The following ACBD5 variants were observed in gnomAD, a reference collection of about 807,000 sequenced individuals.
ACBD5 encodes acyl-CoA binding domain containing 5.
Under a neutral mutation model 71.8 loss-of-function variants are expected in ACBD5, and 40 were observed. The ratio of observed to expected loss-of-function variants is 0.56; its 90% CI spans 0.43 to 0.72. The LOEUF (loss-of-function observed/expected upper bound fraction) is 0.72. ACBD5 is among the 30% of genes least tolerant of loss of function. ACBD5 has a pLI of 0.00. For missense variants in ACBD5, 559 were observed against 644.5 expected (o/e 0.87, Z 1.44); for synonymous variants, 229 against 218.6 (o/e 1.05, Z -0.42).
At chr10:27,214,838 G>A (rs758769829) in intron 8 of ACBD5, among the ~76,000 whole-genome samples, 4 of 152,182 alleles carry the variant, frequency 2.6e-5, no homozygotes, top group Non-Finnish European at 5.9e-5. Context: ...TTGAGGCCAA[G>A]AGTTTGAGAC....
chr10:27,196,666 G>T lies in ACBD5; in HGVS notation c.*764C>A, dbSNP rs1277535784. On this transcript the variant is annotated 3_prime_UTR_variant, in exon 13 of 13. Transcript: ENST00000396271. ...TCAGTTAAACAAAAATGATTACAAA[G>T]GAATACATTTATATGATTGAATAAA... The T allele has an allele frequency of 2.2e-6, 1 of 454,264 alleles. No individual in the cohort carries two copies. The highest frequency in any genetic ancestry group is 2.0e-5 in the African/African-American group (1 of 49,956). 28.1% of individuals were successfully genotyped at this position (454,264 alleles called of 1,614,324 possible).
intron 2 of ACBD5, among the ~76,000 whole-genome samples, chr10:27,235,661 T>TG (rs1463135047): frequency 2.0e-5 from 3 of 152,258 alleles, no homozygotes. Context: ...ATAAGGAATT[T>TG]GGGGCTAAAG....
intron 13 of ACBD5, chr10:27,186,506 G>A: frequency 1.2e-6 from 2 of 1,614,022 alleles, no homozygotes; most frequent in Non-Finnish European, 1.7e-6. Flanking sequence ...ATACTGCTCA[G>A]CACCTGACTG....
In ACBD5 at chr10:27,195,863, A is replaced by G. The variant is rs371621454; in HGVS notation, c.*1567T>C. 4 of 452,582 alleles carry G rather than the reference A, an allele frequency of 8.8e-6. No individual in the cohort carries two copies. The highest frequency in any genetic ancestry group is 1.4e-4 in the East Asian group (2 of 14,386). 28.0% of individuals were successfully genotyped at this position (452,582 alleles called of 1,614,324 possible). A position where few individuals can be genotyped will look rare whatever the true frequency, so the allele number is the denominator to read the frequency against. On this transcript the variant is annotated 3_prime_UTR_variant, in exon 13 of 13. Coordinates refer to ENST00000396271, the MANE Select transcript of ACBD5 (RefSeq NM_145698.5). ...ATTTCTTATTTAAAACACTGTGAAC[A>G]TATGATGTTAAACCCAACATCATAC...
At position 27,197,331 on chromosome 10, in the gene ACBD5, T is replaced by G. The variant is rs775058750; in HGVS notation, c.*99A>C. 4 of 1,151,672 alleles carry G rather than the reference T, an allele frequency of 3.5e-6. No individual in the cohort carries two copies. Among genetic ancestry groups the G allele is most frequent in the Non-Finnish European group, 5.2e-6 (4 of 770,624 alleles). The allele number at this position is 1,151,672 out of a possible 1,614,324, so 71.3% of individuals were successfully genotyped here. On this transcript the variant is annotated 3_prime_UTR_variant, in exon 13 of 13. Coordinates refer to ENST00000396271, the MANE Select transcript of ACBD5 (RefSeq NM_145698.5). ...AACTACTGGACAACAAAAAGCAATG[T>G]AATCATCACAAACTAAGATTTTCTT...
rs2060236621 is a variant in ACBD5, at chr10:27,204,298, C to CA, written c.1565+141dup. ...CAAGATATCATTTCCAAGGCAGTTT[C>CA]AGTCTCAGGATAAATATAGAATGTT... On this transcript the variant is annotated intron_variant, in intron 12 of 12. Coordinates refer to ENST00000396271, the MANE Select transcript of ACBD5 (RefSeq NM_145698.5). 6.0e-6 allele frequency: 4 copies of CA among 669,710 alleles called. No homozygotes were observed. The East Asian group carries it at 8.4e-5, about 14-fold the overall frequency. 41.5% of individuals were successfully genotyped at this position (669,710 alleles called of 1,614,324 possible).
At chr10:27,217,905 T>G in intron 7 of ACBD5, 75 bp downstream of exon 7, 1 of 1,279,938 alleles carries the variant, frequency 7.8e-7, no homozygotes, top group Non-Finnish European at 1.1e-6. Context: ...ATTAAACTGA[T>G]CCTAAAGATC....
At position 27,215,737 on chromosome 10, in the gene ACBD5, T is replaced by C. The variant is rs2061549470; in HGVS notation, c.830-96A>G. The C allele has an allele frequency of 4.5e-6, 4 of 890,970 alleles. No individual in the cohort carries two copies. The East Asian group carries it at 8.4e-5, about 19-fold the overall frequency. 55.2% of individuals were successfully genotyped at this position (890,970 alleles called of 1,614,324 possible). ...TTTTTTGAGATGGAGTCTTGCTCTG[T>C]TGCCCAGGCTGGAGTGCAGTGGTGT... On this transcript the variant is annotated intron_variant, in intron 7 of 12. Coordinates refer to ENST00000396271, the MANE Select transcript of ACBD5 (RefSeq NM_145698.5).
intron 13 of ACBD5, among the ~76,000 whole-genome samples, chr10:27,186,104 A>C (rs2058727173): frequency 6.6e-6 from 1 of 152,178 alleles, no homozygotes; most frequent in African/African-American, 2.4e-5. Flanking sequence ...AAAAGCTGTG[A>C]GAAAGATAGG....
downstream of ACBD5, among the ~76,000 whole-genome samples, chr10:27,191,405 A>G (rs1238715158): frequency 6.6e-6 from 1 of 152,150 alleles, no homozygotes. Context: ...AACTCATAGG[A>G]TGTACACTAA....
downstream of ACBD5, among the ~76,000 whole-genome samples, chr10:27,192,743 G>A (rs185346539): frequency 5.3e-5 from 8 of 152,226 alleles, no homozygotes; most frequent in Admixed American, 1.3e-4. Flanking sequence ...AGGCCGAGGC[G>A]GGTGGATCAC....
intron 5 of ACBD5, among the ~76,000 whole-genome samples, chr10:27,221,830 A>G (rs1334525461): frequency 6.7e-6 from 1 of 149,510 alleles, no homozygotes; most frequent in Non-Finnish European, 1.5e-5. Context: ...AGTCAGGAGA[A>G]TTGCTTGAAC....
intron 5 of ACBD5, among the ~76,000 whole-genome samples, chr10:27,223,051 A>T (rs1414755265): frequency 6.6e-6 from 1 of 152,230 alleles, no homozygotes; most frequent in Non-Finnish European, 1.5e-5. Context: ...AAGGGTTAAA[A>T]TTTTAAGGGT....
rs116251843 is a variant in ACBD5 at position 27,189,379 on chromosome 10, G to A, written c.1494-6664C>T. ...TTTGTGGCTGGGCATAGTGGCTCAC[G>A]CCTTTATTTCCAGCACTTTGGACAG... On this transcript the variant is annotated intron_variant, in intron 13 of 13. Coordinates refer to the ACBD5 transcript ENST00000676511. Among the ~76,000 whole-genome samples, 839 of 152,302 alleles carry A rather than the reference G, an allele frequency of 5.5e-3. 13 individuals are homozygous for A. The highest frequency in any genetic ancestry group is 0.019 in the African/African-American group (785 of 41,558).
intron 4 of ACBD5, among the ~76,000 whole-genome samples, chr10:27,224,928 G>A (rs1398772007): frequency 6.6e-6 from 1 of 152,134 alleles, no homozygotes; most frequent in African/African-American, 2.4e-5. Flanking sequence ...CTACTTGGGA[G>A]GCTGAGGCGA....
chr10:27,185,150 G>T (rs1320678573), intron 13 of ACBD5, among the ~76,000 whole-genome samples: 1 of 152,136 alleles, frequency 6.6e-6, no homozygotes, highest in Non-Finnish European at 1.5e-5. Flanking sequence ...AAAGGGAGAA[G>T]GGGGTGAGCT....
intron 13 of ACBD5, among the ~76,000 whole-genome samples, chr10:27,185,247 G>A (rs1200466683): frequency 6.6e-6 from 1 of 152,168 alleles, no homozygotes; most frequent in Non-Finnish European, 1.5e-5. Flanking sequence ...CAAAACTGGA[G>A]CATTCATCAT....
At chr10:27,204,854 G>A (rs1282091250) in intron 11 of ACBD5, among the ~76,000 whole-genome samples, 4 of 152,126 alleles carry the variant, frequency 2.6e-5, no homozygotes, top group African/African-American at 7.2e-5. Flanking sequence ...TGGGCCGGGC[G>A]CGGTGGCTCA....
chr10:27,190,823 C>A (rs2059047425), downstream of ACBD5, among the ~76,000 whole-genome samples: 1 of 152,106 alleles, frequency 6.6e-6, no homozygotes, highest in African/African-American at 2.4e-5. Flanking sequence ...GAGGTAGGAG[C>A]AACAGGACTT....
Sources: gnomAD v4.1 joint callset for allele counts (sites outside exome capture counted in the v4.1 genomes callset) on GRCh38, gnomAD v4.1.1 for gene constraint, MANE v1.5 for transcripts, NCBI Gene and HGNC (gene_info 2026-07-23, HGNC 2026-07-21) for gene names.